The following PLCB1 variants were observed in gnomAD, a reference collection of about 807,000 sequenced individuals.
PLCB1 encodes phospholipase C beta 1.
A neutral mutation model predicts 161.8 loss-of-function variants in PLCB1; 46 were observed. That is an observed-to-expected ratio of 0.28 (90% CI 0.22 to 0.36). PLCB1 has a LOEUF of 0.36. Ranked by LOEUF, PLCB1 falls within the 10% of genes least tolerant of loss-of-function variation. The pLI, the probability that PLCB1 is intolerant of heterozygous loss-of-function variation, is 1.00. For missense variants in PLCB1, 1,016 were observed against 1,472.5 expected, an observed-to-expected ratio of 0.69 and a Z score of 5.07; for synonymous variants, 517 against 503.7, an observed-to-expected ratio of 1.03 and a Z score of -0.35.
At chr20:8,484,147 T>A (rs975383525) in intron 3 of PLCB1, among the ~76,000 whole-genome samples, 10 of 152,152 alleles carry the variant, frequency 6.6e-5, no homozygotes, top group Non-Finnish European at 1.3e-4. Context: ...TGCCTCAGCC[T>A]CCCGAGTAGC....
chr20:8,367,942 T>C (rs1372134152), intron 2 of PLCB1, among the ~76,000 whole-genome samples: 1 of 152,156 alleles, frequency 6.6e-6, no homozygotes, highest in Non-Finnish European at 1.5e-5. Flanking sequence ...TGTAGCCAAA[T>C]GAGTTCATGG....
intron 3 of PLCB1, among the ~76,000 whole-genome samples, chr20:8,514,842 T>C (rs1223242241): frequency 6.6e-6 from 1 of 152,192 alleles, no homozygotes; most frequent in Non-Finnish European, 1.5e-5. Context: ...CTAAGACCAA[T>C]GCTTCTGAAA....
intron 3 of PLCB1, among the ~76,000 whole-genome samples, chr20:8,413,516 A>T (rs557230732): frequency 6.6e-6 from 1 of 152,346 alleles, no homozygotes; most frequent in South Asian, 2.1e-4. Context: ...CACAAAATGT[A>T]TCAAACATTT....
chr20:8,685,122 A>G (rs1019126134), intron 10 of PLCB1, 44 bp downstream of exon 10: 6 of 1,559,376 alleles, frequency 3.8e-6, no homozygotes, highest in African/African-American at 1.4e-5. Context: ...AGTCTCACCA[A>G]ATTTCACCAA....
chr20:8,836,425 A>G (rs2146284778), intron 31 of PLCB1, among the ~76,000 whole-genome samples: 1 of 152,338 alleles, frequency 6.6e-6, no homozygotes, highest in African/African-American at 2.4e-5. Flanking sequence ...ACACACACAC[A>G]CATACACTAT....
intron 2 of PLCB1, among the ~76,000 whole-genome samples, chr20:8,165,298 A>G (rs565875530): frequency 2.0e-5 from 3 of 152,336 alleles, no homozygotes; most frequent in South Asian, 2.1e-4. Flanking sequence ...AGTAGAACTT[A>G]TTAATAAACT....
chr20:8,855,932 C>T (rs1233886142), intron 31 of PLCB1, among the ~76,000 whole-genome samples: 1 of 152,052 alleles, frequency 6.6e-6, no homozygotes, highest in Admixed American at 6.6e-5. Context: ...TTAGGTAGCT[C>T]TACACACACA....
At chr20:8,874,308 A>T (rs954212443) in intron 31 of PLCB1, among the ~76,000 whole-genome samples, 18 of 151,860 alleles carry the variant, frequency 1.2e-4, no homozygotes, top group Non-Finnish European at 1.5e-5. Context: ...GAAAATGTCT[A>T]CTGAGAAAAC....
At chr20:8,417,071 ATATTTTTTT>A (rs1979325557) in intron 3 of PLCB1, among the ~76,000 whole-genome samples, 13 of 51,678 alleles carry the variant, frequency 2.5e-4, no homozygotes, top group South Asian at 6.3e-4. Flanking sequence ...ATATATATAT[ATATTTTTTT>A]TTTTTTTTTT....
rs752258928 is a variant in PLCB1, at chr20:8,132,794, C to T, written c.99+44C>T. 2 of 1,331,722 alleles carry T rather than the reference C, an allele frequency of 1.5e-6. No individual in the cohort carries two copies. Among genetic ancestry groups the T allele is most frequent in the African/African-American group, 2.9e-5 (2 of 69,040 alleles). 82.5% of individuals were successfully genotyped at this position (1,331,722 alleles called of 1,614,324 possible). On this transcript the variant is annotated intron_variant, in intron 1 of 31. Coordinates refer to ENST00000338037, the MANE Select transcript of PLCB1 (RefSeq NM_015192.4). This position sits in a 1 kb window ranked among gnomAD's most constrained non-coding sequence, Gnocchi z 5.2. ...CGAGTCGGGGCGCTGGCTCGGGCAC[C>T]GGGCAGGGCGGGCGTCGTGGGGGTG...
chr20:8,168,750 C>CTTT (rs536734444), intron 2 of PLCB1, among the ~76,000 whole-genome samples: 1 of 141,414 alleles, frequency 7.1e-6, no homozygotes, highest in Non-Finnish European at 1.5e-5. Flanking sequence ...CTGATGTAGT[C>CTTT]TTTTTTTTTT....
intron 31 of PLCB1, among the ~76,000 whole-genome samples, chr20:8,813,143 A>G (rs1049231903): frequency 3.9e-5 from 6 of 152,190 alleles, no homozygotes; most frequent in Non-Finnish European, 7.3e-5. Context: ...AATGAGGTGA[A>G]TAACAAACAG....
At chr20:8,797,495 C>T (rs777515219) in intron 31 of PLCB1, among the ~76,000 whole-genome samples, 11 of 152,098 alleles carry the variant, frequency 7.2e-5, no homozygotes, top group Admixed American at 1.3e-4. Context: ...TTCCATCCTT[C>T]GTCTTTCTTT....
At chr20:8,698,326 G>T (rs568328102) in intron 11 of PLCB1, among the ~76,000 whole-genome samples, 69 of 152,210 alleles carry the variant, frequency 4.5e-4, no homozygotes, top group Admixed American at 1.4e-3. Context: ...AGCCCTAAAT[G>T]ATGTAGCTTC....
At chr20:8,539,693 T>TTTCCTTCC (rs11471768) in intron 3 of PLCB1, among the ~76,000 whole-genome samples, 15 of 101,166 alleles carry the variant, frequency 1.5e-4, no homozygotes, top group Admixed American at 4.3e-4. Flanking sequence ...TCTTTTTCTT[T>TTTCCTTCC]TTCCTTCCTT....
At chr20:8,688,566 T>TA (rs1161808666) in intron 10 of PLCB1, among the ~76,000 whole-genome samples, 1 of 152,220 alleles carries the variant, frequency 6.6e-6, no homozygotes, top group Non-Finnish European at 1.5e-5. Flanking sequence ...TACATGTGGC[T>TA]AGCCAATTAC....
At chr20:8,201,738 A>G (rs2052093252) in intron 2 of PLCB1, among the ~76,000 whole-genome samples, 1 of 152,220 alleles carries the variant, frequency 6.6e-6, no homozygotes, top group Admixed American at 6.5e-5. Context: ...GCAATGTGAA[A>G]AGCAATGCTT....
chr20:8,150,456 A>G, intron 2 of PLCB1, 85 bp downstream of exon 2: 1 of 561,382 alleles, frequency 1.8e-6, no homozygotes. Context: ...ATAGAAGAAC[A>G]TCCATTTCAC....
At chr20:8,643,765 C>T (rs975638004) in intron 4 of PLCB1, among the ~76,000 whole-genome samples, 4 of 145,510 alleles carry the variant, frequency 2.7e-5, no homozygotes, top group African/African-American at 1.0e-4. Context: ...CCCTCTCCCT[C>T]TCCCTCTCCC....
Sources: gnomAD v4.1 joint callset for allele counts (sites outside exome capture counted in the v4.1 genomes callset) on GRCh38, gnomAD v4.1.1 for gene constraint, Gnocchi (gnomAD v3.1) non-coding constraint, MANE v1.5 for transcripts, NCBI Gene and HGNC (gene_info 2026-07-23, HGNC 2026-07-21) for gene names.